SLC3A1: variants seen among roughly 807,000 people sequenced by gnomAD.
The protein encoded by SLC3A1 is solute carrier family 3 member 1.
A neutral mutation model predicts 60.3 loss-of-function variants in SLC3A1; 78 were observed. The observed-to-expected ratio is 1.29, with a 90% CI of 1.08 to 1.56. The LOEUF (loss-of-function observed/expected upper bound fraction) is 1.56. SLC3A1 is among the 40% of genes most tolerant of loss of function. The pLI, the probability that SLC3A1 is intolerant of heterozygous loss-of-function variation, is 0.00. For synonymous variants in SLC3A1, 392 were observed against 307.9 expected, an observed-to-expected ratio of 1.27 and a Z score of -2.86; for missense variants, 1,172 against 858.9, an observed-to-expected ratio of 1.36 and a Z score of -4.56.
chr2:44,290,940 C>T (rs761000106), intron 4 of SLC3A1, among the ~76,000 whole-genome samples: 1 of 152,128 alleles, frequency 6.6e-6, no homozygotes, highest in Non-Finnish European at 1.5e-5. Flanking sequence ...CATGCTCTCC[C>T]CACACATTCT....
chr2:44,320,232 T>G lies in SLC3A1; in HGVS notation c.1651T>G (p.Leu551Val). Residue 551 changes from leucine to valine, a missense_variant, in exon 10 of 10, where the codon TTA (leucine) becomes GTA (valine). Physicochemically the swap from Leu to Val is conservative, Grantham distance 32 (BLOSUM62 1). Coordinates refer to ENST00000260649, the MANE Select transcript of SLC3A1 (RefSeq NM_000341.4). ...GACTCAGCCCAGATCGGCTTTGAAG[T>G]TATATCAAGATTTAAGTCTACTTCA... is the stretch of plus-strand genomic sequence containing the variant. ...QKTQPRSALK[L>V]YQDLSLLHAN... 6.2e-7 allele frequency: 1 copy of G among 1,613,982 alleles called. No homozygotes were observed. Among genetic ancestry groups the G allele is most frequent in the South Asian group, 1.1e-5 (1 of 91,048 alleles).
At chr2:44,310,892 G>C (rs1444072530) in intron 7 of SLC3A1, among the ~76,000 whole-genome samples, 1 of 151,706 alleles carries the variant, frequency 6.6e-6, no homozygotes, top group Non-Finnish European at 1.5e-5. Context: ...TTGATGTCCT[G>C]TGCTCAATTT....
Position 44,320,688 on chromosome 2 carries a change from G to A in SLC3A1, c.*49G>A, listed in dbSNP as rs748115627. On this transcript the variant is annotated 3_prime_UTR_variant, in exon 10 of 10. Coordinates refer to ENST00000260649, the MANE Select transcript of SLC3A1 (RefSeq NM_000341.4). ...CACTGGCATTTCAGTGGGATTGTAA[G>A]CATTTGTAATAGCTTCATGTACAGC... 2.8e-6 allele frequency: 4 copies of A among 1,424,468 alleles called. No homozygotes were observed. The highest frequency in any genetic ancestry group is 1.2e-5 in the South Asian group (1 of 86,868). 88.2% of individuals were successfully genotyped at this position (1,424,468 alleles called of 1,614,324 possible).
chr2:44,277,877 T>A (rs1410801320), intron 1 of SLC3A1, among the ~76,000 whole-genome samples: 1 of 152,182 alleles, frequency 6.6e-6, no homozygotes, highest in African/African-American at 2.4e-5. Flanking sequence ...GTCTTTGAGG[T>A]TGAAGGGATT....
Position 44,286,028 on chromosome 2 carries a change from C to G in SLC3A1, c.766-4C>G. 3 of 1,614,026 alleles carry G rather than the reference C, an allele frequency of 1.9e-6. No homozygotes were observed. The highest frequency in any genetic ancestry group is 2.5e-6 in the Non-Finnish European group (3 of 1,179,938). ...ACTGATGTGCTGTTTTCTTTGTTTG[C>G]CAGTTAAGTGTGTATGGAAACTCCA... On this transcript the variant is annotated splice_polypyrimidine_tract_variant and splice_region_variant and intron_variant, in intron 3 of 9. Coordinates refer to ENST00000260649, the MANE Select transcript of SLC3A1 (RefSeq NM_000341.4).
At chr2:44,291,741 C>T (rs1448504906) in intron 4 of SLC3A1, among the ~76,000 whole-genome samples, 1 of 152,146 alleles carries the variant, frequency 6.6e-6, no homozygotes, top group Non-Finnish European at 1.5e-5. Flanking sequence ...TTTGGAATGA[C>T]TTGCTTGCAT....
intron 3 of SLC3A1, chr2:44,285,802 T>G: frequency 1.5e-6 from 1 of 667,790 alleles, no homozygotes; most frequent in Non-Finnish European, 2.8e-6. Flanking sequence ...CTGTTGCAGT[T>G]GTTACAAACA....
chr2:44,317,094 G>A (rs1300504944), intron 9 of SLC3A1, among the ~76,000 whole-genome samples: 1 of 152,088 alleles, frequency 6.6e-6, no homozygotes, highest in Non-Finnish European at 1.5e-5. Context: ...GTTTTGCACA[G>A]GAAAAAGAGT....
At chr2:44,296,948 T>G (rs1671865514) in intron 4 of SLC3A1, among the ~76,000 whole-genome samples, 1 of 152,222 alleles carries the variant, frequency 6.6e-6, no homozygotes, top group East Asian at 1.9e-4. Context: ...TTGCTCCTCA[T>G]TCGCCTTCTG....
In SLC3A1 at chr2:44,286,175, C is replaced by T; in HGVS notation, c.891+18C>T. ...AAATAAAAGTGAGTATAGATACCCA[C>T]ACAGACTTCTCCATTAATGGAGGTT... On this transcript the variant is annotated intron_variant, in intron 4 of 9. Transcript: ENST00000260649. 6.2e-7 allele frequency: 1 copy of T among 1,611,974 alleles called. No individual in the cohort carries two copies. The highest frequency in any genetic ancestry group is 8.5e-7 in the Non-Finnish European group (1 of 1,178,328).
chr2:44,308,338 T>C (rs996217180), intron 7 of SLC3A1, among the ~76,000 whole-genome samples: 2 of 152,212 alleles, frequency 1.3e-5, no homozygotes, highest in African/African-American at 4.8e-5. Flanking sequence ...GTACCTTATA[T>C]TTCCATGTGA....
At chr2:44,302,215 T>C (rs1298524368) in intron 6 of SLC3A1, among the ~76,000 whole-genome samples, 4 of 152,228 alleles carry the variant, frequency 2.6e-5, no homozygotes, top group Admixed American at 6.5e-5. Flanking sequence ...TCCTGCTCTG[T>C]AGCTGTGTGA....
intron 5 of SLC3A1, 48 bp from the exon 6 acceptor site, chr2:44,300,955 C>A (rs752756386): frequency 3.4e-5 from 55 of 1,611,220 alleles, no homozygotes; most frequent in Non-Finnish European, 4.3e-5. Context: ...GAGCTGTGGG[C>A]ATGCAATGTA....
In SLC3A1 at chr2:44,275,648, G is replaced by A; in HGVS notation, c.113G>A (p.Gly38Glu). 2 of 1,614,158 alleles carry A rather than the reference G, an allele frequency of 1.2e-6. No homozygotes were observed. Among genetic ancestry groups the A allele is most frequent in the Non-Finnish European group, 1.7e-6 (2 of 1,180,004 alleles). The stretch of plus-strand genomic sequence containing the variant: ...ATTCTGGAGCAGACCCCGGATCCAG[G>A]AAGCTCAACAGACAACCTGAAGCAC... The part of the protein sequence containing the change: ...EDILEQTPDP[G>E]SSTDNLKHST... The change falls in exon 1 of 10, where the codon GGA becomes GAA. Residue 38 changes from glycine (G) to glutamate (E), a missense_variant. Physicochemically the swap from Gly to Glu is moderately conservative, Grantham distance 98. Coordinates refer to ENST00000260649, the MANE Select transcript of SLC3A1 (RefSeq NM_000341.4).
Position 44,275,964 on chromosome 2 carries a change from A to G in SLC3A1, c.429A>G (p.Lys143=). 6.2e-7 allele frequency: 1 copy of G among 1,613,980 alleles called. No homozygotes were observed. Among genetic ancestry groups the G allele is most frequent in the South Asian group, 1.1e-5 (1 of 91,070 alleles). ...DSNKDGNGDL[K]GIQDKLDYIT... ...ACAAGGATGGGAACGGAGATCTGAA[A>G]GGTACATGCCCAGAGATCATTTAGG... Residue 143 remains lysine (K), a splice_region_variant and synonymous_variant, in exon 1 of 10, where the codon AAA becomes AAG. Coordinates refer to ENST00000260649, the MANE Select transcript of SLC3A1 (RefSeq NM_000341.4).
intron 1 of SLC3A1, among the ~76,000 whole-genome samples, chr2:44,279,449 C>G (rs1391926822): frequency 1.3e-5 from 2 of 152,174 alleles, no homozygotes; most frequent in Non-Finnish European, 2.9e-5. Flanking sequence ...TCCTCTGCCC[C>G]TGGGGGTCAA....
chr2:44,306,307 C>T (rs1672155093), intron 7 of SLC3A1, among the ~76,000 whole-genome samples: 1 of 152,132 alleles, frequency 6.6e-6, no homozygotes, highest in Non-Finnish European at 1.5e-5. Flanking sequence ...GGAGAAAATG[C>T]AGCCTAGGCA....
At chr2:44,291,863 C>T (rs768998678) in intron 4 of SLC3A1, among the ~76,000 whole-genome samples, 1 of 152,142 alleles carries the variant, frequency 6.6e-6, no homozygotes, top group Non-Finnish European at 1.5e-5. Context: ...AGAGAGCACC[C>T]TCTGCTGTCC....
At chr2:44,317,873 A>G (rs1572823057) in intron 9 of SLC3A1, 2 of 207,986 alleles carry the variant, frequency 9.6e-6, no homozygotes, top group Non-Finnish European at 2.0e-5. Context: ...TTAGCCTATT[A>G]AAAGATAAAA....
Sources: gnomAD v4.1 joint callset for allele counts (sites outside exome capture counted in the v4.1 genomes callset) on GRCh38, gnomAD v4.1.1 for gene constraint, MANE v1.5 for transcripts, NCBI Gene and HGNC (gene_info 2026-07-23, HGNC 2026-07-21) for gene names.